The following IGF2R variants were observed in gnomAD, a reference collection of about 807,000 sequenced individuals.
IGF2R encodes insulin like growth factor 2 receptor.
Under a neutral mutation model 270.6 loss-of-function variants are expected in IGF2R, and 91 were observed. That is an observed-to-expected ratio of 0.34 (90% CI 0.28 to 0.40). IGF2R has a LOEUF of 0.40. Ranked by LOEUF, IGF2R falls within the 10% of genes least tolerant of loss-of-function variation. The pLI, the probability that IGF2R is intolerant of heterozygous loss-of-function variation, is 1.00. For synonymous variants in IGF2R, 1,316 were observed against 1,258.9 expected (o/e 1.05, Z -0.96); for missense variants, 2,805 against 3,188.3 (o/e 0.88, Z 2.90).
rs17847658 is a variant in IGF2R at position 160,090,023 on chromosome 6, A to G, written c.6575A>G (p.Asn2192Ser). 1.2e-5 allele frequency: 19 copies of G among 1,605,296 alleles called. No homozygotes were observed. Among genetic ancestry groups the G allele is most frequent in the East Asian group, 6.8e-5 (3 of 44,196 alleles). The change falls in exon 44 of 48, where the codon AAC (asparagine) becomes AGC (serine). Residue 2192 changes from asparagine to serine, a missense_variant. By Grantham distance (46) the Asn-to-Ser change is conservative. Transcript: ENST00000356956. ...SSRNPACSGA[N>S]ICQVKPNDQH... ...AGAAACCCGGCGTGCTCTGGAGCCAACATATGCCAGGTGAAGCCCAACGAT... is the reference window on the plus strand; with the variant it reads ...AGAAACCCGGCGTGCTCTGGAGCCAGCATATGCCAGGTGAAGCCCAACGAT...
chr6:160,017,788 C>T (rs1777340672), intron 4 of IGF2R, among the ~76,000 whole-genome samples: 1 of 152,124 alleles, frequency 6.6e-6, no homozygotes, highest in Middle Eastern at 3.2e-3. Flanking sequence ...AAAATAAAGT[C>T]TTTCTCAGAC....
intron 1 of IGF2R, among the ~76,000 whole-genome samples, chr6:159,985,824 GCTAA>G (rs774953716): frequency 2.5e-4 from 38 of 152,146 alleles, no homozygotes; most frequent in Non-Finnish European, 4.3e-4. Context: ...GGGACCATTG[GCTAA>G]CTGTTTTACG....
chr6:160,038,811 C>G lies in IGF2R; in HGVS notation c.1316-1749C>G, dbSNP rs570025169. On this transcript the variant is annotated intron_variant, in intron 10 of 47. Transcript: ENST00000356956. ...AACCAAACCAAACCAGCCAACCAAA[C>G]AAACAAAAAACACAGGAGAGAAAAC... Among the ~76,000 whole-genome samples the G allele has an allele frequency of 2.7e-4, 41 of 151,736 alleles. 1 individual carries two copies. In the South Asian group the frequency reaches 8.1e-3, roughly 30 times the overall value.
chr6:160,080,846 G>T (rs565255337), intron 39 of IGF2R, among the ~76,000 whole-genome samples: 1 of 152,034 alleles, frequency 6.6e-6, no homozygotes, highest in Non-Finnish European at 1.5e-5. Context: ...GGCCAGGCGC[G>T]GTGGCTCACG....
chr6:160,037,742 A>G (rs886772442), intron 10 of IGF2R, among the ~76,000 whole-genome samples: 2 of 152,126 alleles, frequency 1.3e-5, no homozygotes, highest in African/African-American at 4.8e-5. Context: ...GGCTCAGCCC[A>G]TTAAAGGTTT....
chr6:160,057,031 G>A (rs896346488), intron 20 of IGF2R, among the ~76,000 whole-genome samples: 1 of 151,384 alleles, frequency 6.6e-6, no homozygotes. Flanking sequence ...AGGTGTTAAT[G>A]TGATCCTGTC....
intron 7 of IGF2R, among the ~76,000 whole-genome samples, chr6:160,031,506 G>C (rs577784234): frequency 1.4e-3 from 209 of 151,996 alleles, no homozygotes; most frequent in African/African-American, 4.9e-3. Context: ...CCTGGCAACT[G>C]TCCACCTTCT....
chr6:160,036,749 AG>A (rs1361262584), intron 10 of IGF2R, among the ~76,000 whole-genome samples: 2 of 152,142 alleles, frequency 1.3e-5, no homozygotes, highest in Non-Finnish European at 2.9e-5. Context: ...GAAAAACCAA[AG>A]AACAGAAAGA....
Position 160,069,982 on chromosome 6 carries a change from T to C in IGF2R, c.4367T>C (p.Val1456Ala), listed in dbSNP as rs749530351. 13 of 1,614,256 alleles carry C rather than the reference T, an allele frequency of 8.1e-6. No individual in the cohort carries two copies. Among genetic ancestry groups the C allele is most frequent in the Middle Eastern group, 1.6e-4 (1 of 6,062 alleles). Residue 1456 changes from valine to alanine, a missense_variant, in exon 31 of 48, where the codon GTT (valine) becomes GCT (alanine). Around this residue, in one of 2 missense-constraint regions of IGF2R, gnomAD observed 1,851 missense variants for 2,207.2 expected, o/e 0.84. Coordinates refer to ENST00000356956, the MANE Select transcript of IGF2R (RefSeq NM_000876.4). Reference protein sequence around the residue: ...WRDGIIVLKYVDGDLCPDGIR... With the variant: ...WRDGIIVLKYADGDLCPDGIR... ...GATGGCATAATTGTCCTGAAATACG[T>C]TGATGGCGACTTATGTCCAGATGGG...
chr6:160,098,238 A>G (rs1779409122), intron 45 of IGF2R, among the ~76,000 whole-genome samples: 1 of 152,086 alleles, frequency 6.6e-6, no homozygotes, highest in African/African-American at 2.4e-5. Context: ...TGAGTAGGAA[A>G]AGCACTGTTT....
intron 2 of IGF2R, among the ~76,000 whole-genome samples, chr6:159,995,705 A>T (rs755163073): frequency 6.6e-6 from 1 of 152,036 alleles, no homozygotes; most frequent in Non-Finnish European, 1.5e-5. Flanking sequence ...AGCTTTCTCT[A>T]GTAAAATTTT....
At position 160,080,234 on chromosome 6, in the gene IGF2R, C is replaced by T. The variant is rs150759811; in HGVS notation, c.5792C>T (p.Ala1931Val). ...GCGAAGCTGTGGTGTAGCACAACTGCGGACTACGACAGAGACCACGAGTGG... is the reference window on the plus strand; with the variant it reads ...GCGAAGCTGTGGTGTAGCACAACTGTGGACTACGACAGAGACCACGAGTGG... ...SRAKLWCSTT[A>V]DYDRDHEWGF... is the part of the protein sequence containing the mutation. The change falls in exon 39 of 48, where the codon GCG becomes GTG. Residue 1931 changes from alanine (A) to valine (V), a missense_variant. By Grantham distance (64) the Ala-to-Val change is moderately conservative. This residue lies in a region of IGF2R where 1,851 missense variants were observed against 2,207.2 expected (regional missense o/e 0.84). Coordinates refer to ENST00000356956, the MANE Select transcript of IGF2R (RefSeq NM_000876.4). 253 of 1,614,148 alleles carry T rather than the reference C, an allele frequency of 1.6e-4. 1 individual carries two copies. The Middle Eastern group carries it at 3.8e-3, about 24-fold the overall frequency.
At chr6:160,090,596 C>G (rs1195062148) in intron 44 of IGF2R, among the ~76,000 whole-genome samples, 1 of 152,224 alleles carries the variant, frequency 6.6e-6, no homozygotes, top group African/African-American at 2.4e-5. Context: ...TAAACTGGCA[C>G]TAATAAGGGT....
chr6:160,068,063 GGGGTGT>G (rs374662886), intron 29 of IGF2R, among the ~76,000 whole-genome samples, 180 bp from the exon 30 acceptor site: 20,030 of 95,038 alleles, frequency 0.21, 1,459 homozygotes, highest in Middle Eastern at 0.29. Flanking sequence ...ATTCTGATGG[GGGGTGT>G]GTGTGTGTGT....
chr6:160,062,101 AT>A (rs1483548989), intron 25 of IGF2R, among the ~76,000 whole-genome samples, 173 bp downstream of exon 25: 2 of 152,044 alleles, frequency 1.3e-5, no homozygotes, highest in Non-Finnish European at 2.9e-5. Context: ...TAAATGTTTA[AT>A]AAATGTTACG....
intron 39 of IGF2R, 62 bp from the exon 40 acceptor site, chr6:160,083,888 T>G: frequency 1.8e-6 from 2 of 1,131,982 alleles, no homozygotes; most frequent in Admixed American, 3.4e-5. Flanking sequence ...CTCTTATGTC[T>G]TCCCTTTCTG....
At position 160,029,578 on chromosome 6, in the gene IGF2R, G is replaced by C; in HGVS notation, c.805G>C (p.Ala269Pro). Residue 269 changes from alanine (A) to proline (P), a missense_variant, in exon 7 of 48, where the codon GCA (alanine) becomes CCA (proline). Physicochemically the swap from Ala to Pro is conservative, Grantham distance 27. This residue lies in a region of IGF2R where 954 missense variants were observed against 981.1 expected (regional missense o/e 0.97). Coordinates refer to ENST00000356956, the MANE Select transcript of IGF2R (RefSeq NM_000876.4). ...RLVLSYVREE[A>P]GKLDFCDGHS... ...TGTCCTGAGTTACGTGAGGGAAGAG[G>C]CAGGAAAGCTAGACTTTTGTGATGG... is the stretch of plus-strand genomic sequence containing the variant. 3 of 1,613,954 alleles carry C rather than the reference G, an allele frequency of 1.9e-6. No individual in the cohort carries two copies. Among genetic ancestry groups the C allele is most frequent in the Non-Finnish European group, 2.5e-6 (3 of 1,179,818 alleles).
chr6:159,987,277 C>T (rs1016735104), intron 1 of IGF2R, among the ~76,000 whole-genome samples: 1 of 152,102 alleles, frequency 6.6e-6, no homozygotes, highest in African/African-American at 2.4e-5. Context: ...ATAGTTTAAC[C>T]AGGGTGCATA....
intron 47 of IGF2R, among the ~76,000 whole-genome samples, chr6:160,104,411 C>T (rs1779565979): frequency 6.6e-6 from 1 of 151,884 alleles, no homozygotes; most frequent in Admixed American, 6.6e-5. Flanking sequence ...TGGTCCCACC[C>T]TTGGCTGTGA....
Sources: allele counts gnomAD v4.1 joint callset (sites outside exome capture counted in the v4.1 genomes callset), GRCh38; gene constraint gnomAD v4.1.1; regional missense constraint gnomAD v4.1.1; transcripts MANE v1.5; gene names NCBI Gene and HGNC (gene_info 2026-07-23, HGNC 2026-07-21).